The following GPC6 variants were observed in gnomAD, a reference collection of about 807,000 sequenced individuals.
GPC6 encodes the protein glypican 6.
A neutral mutation model predicts 55.2 loss-of-function variants in GPC6; 14 were observed. The ratio of observed to expected loss-of-function variants is 0.25; its 90% CI spans 0.17 to 0.40. The LOEUF is 0.40. GPC6 is among the 10% of genes least tolerant of loss of function. The probability of loss-of-function intolerance (pLI) is 1.00; values close to 1 mark genes in which losing one functional copy is unlikely to be tolerated. For synonymous variants in GPC6, 278 were observed against 259.6 expected, an observed-to-expected ratio of 1.07 and a Z score of -0.68; for missense variants, 641 against 708.5, an observed-to-expected ratio of 0.90 and a Z score of 1.08.
chr13:94,211,782 A>G (rs184870306), intron 4 of GPC6, among the ~76,000 whole-genome samples: 2 of 152,336 alleles, frequency 1.3e-5, no homozygotes, highest in African/African-American at 4.8e-5. Flanking sequence ...CCTATTATAT[A>G]CCAACAGAGT....
chr13:93,446,912 T>A (rs887688526), intron 1 of GPC6, among the ~76,000 whole-genome samples: 8 of 151,686 alleles, frequency 5.3e-5, no homozygotes, highest in African/African-American at 1.2e-4. Flanking sequence ...AAAGAATTTT[T>A]AAAAAAATCA....
At chr13:94,028,006 T>A in intron 4 of GPC6, 112 bp downstream of exon 4, 1 of 1,006,690 alleles carries the variant, frequency 9.9e-7, no homozygotes, top group Non-Finnish European at 1.5e-6. Context: ...GGTTCACATC[T>A]GTAATCCCAG....
chr13:93,533,510 T>C (rs758345866), intron 1 of GPC6, among the ~76,000 whole-genome samples: 13 of 152,168 alleles, frequency 8.5e-5, no homozygotes, highest in Non-Finnish European at 1.6e-4. Context: ...TCAATAATTC[T>C]AGGATGAGAG....
At chr13:93,344,504 A>T (rs181542228) in intron 1 of GPC6, among the ~76,000 whole-genome samples, 1 of 152,190 alleles carries the variant, frequency 6.6e-6, no homozygotes, top group Non-Finnish European at 1.5e-5. Flanking sequence ...TTTCATCAAT[A>T]AAGTAGGCTA....
chr13:94,310,910 G>T (rs1253657210), intron 6 of GPC6, among the ~76,000 whole-genome samples: 2 of 151,890 alleles, frequency 1.3e-5, no homozygotes, highest in Admixed American at 6.6e-5. Flanking sequence ...TTTTCTTCTT[G>T]TGCTAATAAG....
intron 3 of GPC6, among the ~76,000 whole-genome samples, chr13:93,916,249 C>G (rs965400789): frequency 6.6e-6 from 1 of 152,132 alleles, no homozygotes; most frequent in African/African-American, 2.4e-5. Flanking sequence ...GCACCTTGAT[C>G]CATGCTTCAG....
chr13:93,707,212 A>C (rs914198923), intron 2 of GPC6, among the ~76,000 whole-genome samples: 6 of 151,718 alleles, frequency 4.0e-5, no homozygotes, highest in Non-Finnish European at 8.8e-5. Context: ...CACAGAGGGG[A>C]ACAACCCACA....
At chr13:94,294,773 G>C (rs1332221670) in intron 5 of GPC6, among the ~76,000 whole-genome samples, 1 of 152,052 alleles carries the variant, frequency 6.6e-6, no homozygotes, top group East Asian at 1.9e-4. Context: ...TTTTGTTCCA[G>C]TATCATTTAT....
chr13:93,588,690 GCC>G (rs1877321943), intron 2 of GPC6, among the ~76,000 whole-genome samples: 3 of 152,104 alleles, frequency 2.0e-5, no homozygotes, highest in African/African-American at 7.2e-5. Flanking sequence ...CCAGAGCAAT[GCC>G]ACACACTTTT....
intron 5 of GPC6, among the ~76,000 whole-genome samples, chr13:94,302,234 A>C (rs1396693145): frequency 2.6e-5 from 4 of 152,230 alleles, no homozygotes; most frequent in Non-Finnish European, 5.9e-5. Context: ...GGAGGCTGGG[A>C]AGTCTAAGAT....
chr13:93,568,060 A>G (rs1876224652), intron 2 of GPC6, among the ~76,000 whole-genome samples: 1 of 152,210 alleles, frequency 6.6e-6, no homozygotes. Context: ...CATAAGGACA[A>G]TGGAAACTTT....
At chr13:93,523,673 A>G (rs980288983) in intron 1 of GPC6, among the ~76,000 whole-genome samples, 1 of 151,980 alleles carries the variant, frequency 6.6e-6, no homozygotes, top group Admixed American at 6.6e-5. Context: ...CAAAGATTCA[A>G]ATGTATGTCT....
At chr13:93,829,646 A>C (rs1403290725) in intron 2 of GPC6, among the ~76,000 whole-genome samples, 1 of 152,188 alleles carries the variant, frequency 6.6e-6, no homozygotes, top group African/African-American at 2.4e-5. Context: ...ATTGATTGCT[A>C]TATATAGAAA....
chr13:94,364,252 G>A (rs1215120013), intron 6 of GPC6, among the ~76,000 whole-genome samples: 4 of 152,166 alleles, frequency 2.6e-5, no homozygotes, highest in Non-Finnish European at 4.4e-5. Flanking sequence ...GACCCATTTA[G>A]GTTATTGGAT....
intron 2 of GPC6, among the ~76,000 whole-genome samples, chr13:93,657,344 A>G (rs1465655266): frequency 6.6e-6 from 1 of 152,108 alleles, no homozygotes; most frequent in Non-Finnish European, 1.5e-5. Context: ...AAACCAAGCA[A>G]TGGGGAAAGG....
chr13:93,822,006 A>G (rs1034156633), intron 2 of GPC6, among the ~76,000 whole-genome samples: 1 of 125,754 alleles, frequency 8.0e-6, no homozygotes, highest in Non-Finnish European at 1.6e-5. Flanking sequence ...TATAATTGTT[A>G]TATGTATATA....
chr13:94,319,846 T>A (rs2139128251), intron 6 of GPC6, among the ~76,000 whole-genome samples: 1 of 152,278 alleles, frequency 6.6e-6, no homozygotes, highest in Middle Eastern at 3.4e-3. Flanking sequence ...TGTGTAGGTA[T>A]AGATTTCTTT....
intron 3 of GPC6, among the ~76,000 whole-genome samples, chr13:93,923,477 A>G (rs1004838742): frequency 1.1e-4 from 8 of 69,936 alleles, no homozygotes; most frequent in African/African-American, 5.4e-4. Context: ...TCAGTTACAG[A>G]AAAATAAAGC....
chr13:93,594,861 C>A (rs1344327603), intron 2 of GPC6, among the ~76,000 whole-genome samples: 1 of 151,214 alleles, frequency 6.6e-6, no homozygotes, highest in Non-Finnish European at 1.5e-5. Flanking sequence ...TTTAGAAGTG[C>A]ACTTATTCTA....
Sources: gnomAD v4.1 joint callset for allele counts (sites outside exome capture counted in the v4.1 genomes callset) on GRCh38, gnomAD v4.1.1 for gene constraint, MANE v1.5 for transcripts, NCBI Gene and HGNC (gene_info 2026-07-23, HGNC 2026-07-21) for gene names.